Variants in ABCA2 observed in about 807,000 individuals in gnomAD.
ABCA2 encodes ATP-binding cassette sub-family A member 2.
A neutral mutation model predicts 262.8 loss-of-function variants in ABCA2; 84 were observed. The observed-to-expected ratio is 0.32, with a 90% confidence interval of 0.27 to 0.38. ABCA2 has a LOEUF of 0.38. Ranked by LOEUF, ABCA2 falls within the 10% of genes least tolerant of loss-of-function variation. The probability of loss-of-function intolerance (pLI) is 1.00; values close to 1 mark genes in which losing one functional copy is unlikely to be tolerated. For missense variants in ABCA2, 2,662 were observed against 3,405.9 expected (o/e 0.78, Z 5.44); for synonymous variants, 1,696 against 1,502.9 (o/e 1.13, Z -2.97).
Position 137,022,716 on chromosome 9 carries a change from A to C in ABCA2, c.425T>G (p.Leu142Arg), listed in dbSNP as rs1391150674. The C allele has an allele frequency of 6.2e-7, 1 of 1,606,112 alleles. No individual in the cohort carries two copies. Among genetic ancestry groups the C allele is most frequent in the Admixed American group, 1.7e-5 (1 of 59,684 alleles). The change falls in exon 5 of 49, where the codon CTG becomes CGG. Residue 142 changes from leucine (L) to arginine (R), a missense_variant. Around this residue, in one of 12 missense-constraint regions of ABCA2, gnomAD observed 403 missense variants for 375.9 expected, o/e 1.07. Transcript: ENST00000341511. ...ACAGGGCACACCTGTGGATCTGTCCAGGTGGCTCCCCGAGGTGCCCGGGCC... is the reference window on the plus strand; with the variant it reads ...ACAGGGCACACCTGTGGATCTGTCCCGGTGGCTCCCCGAGGTGCCCGGGCC... ...SAGPGTSGSH[L>R]DRSTVSSFSL...
rs1401459879 is a variant in ABCA2, at chr9:137,020,427, C to CGCT, written c.1331_1333dup (p.Gln444dup). The CGCT allele has an allele frequency of 6.2e-7, 1 of 1,612,418 alleles. No individual in the cohort carries two copies. The highest frequency in any genetic ancestry group is 8.5e-7 in the Non-Finnish European group (1 of 1,179,816). On this transcript the variant is annotated inframe_insertion, in exon 10 of 49. Transcript: ENST00000341511. ...GAGGTGCACGAGGAGGCCCAGGTTC[C>CGCT]GCTGCTCCTTGCTCGTGAAGCCCAG...
Position 137,017,583 on chromosome 9 carries a change from T to C in ABCA2, c.2321A>G (p.Tyr774Cys), listed in dbSNP as rs1422092131. 6.2e-7 allele frequency: 1 copy of C among 1,612,602 alleles called. No homozygotes were observed. The highest frequency in any genetic ancestry group is 8.5e-7 in the Non-Finnish European group (1 of 1,179,918). ...SVTALTAILK[Y>C]GQVLMHSHVV... is the part of the protein sequence containing the mutation. ...GTGGCTGTGCATAAGCACCTGGCCG[T>C]ACTTCAGGATGGCGGTGAGTGCTGT... Residue 774 changes from tyrosine (Y) to cysteine (C), a missense_variant, in exon 17 of 49, where the codon TAC (tyrosine) becomes TGC (cysteine). Tyr to Cys is a radical substitution (Grantham distance 194). Around this residue, in one of 12 missense-constraint regions of ABCA2, gnomAD observed 188 missense variants for 343.4 expected, o/e 0.55. Coordinates refer to ENST00000341511, the MANE Select transcript of ABCA2 (RefSeq NM_001606.5).
At position 137,021,308 on chromosome 9, in the gene ABCA2, C is replaced by A; in HGVS notation, c.897+84G>T. The A allele has an allele frequency of 6.6e-7, 1 of 1,515,276 alleles. No homozygotes were observed. The highest frequency in any genetic ancestry group is 1.2e-5 in the South Asian group (1 of 82,906). 93.9% of individuals were successfully genotyped at this position (1,515,276 alleles called of 1,614,324 possible). A position where few individuals can be genotyped will look rare whatever the true frequency, so the allele number is the denominator to read the frequency against. ...CCCACGCACAGCCTGGGCCCAGGAG[C>A]CCTGAGCTCTCCAAGCGGTCCCAGC... On this transcript the variant is annotated intron_variant, in intron 8 of 48. Coordinates refer to ENST00000341511, the MANE Select transcript of ABCA2 (RefSeq NM_001606.5). The surrounding 1 kb of genome is among the most constrained non-coding windows in gnomAD (Gnocchi z 6.0).
chr9:137,008,675 G>A, intron 47 of ABCA2, 53 bp from the exon 48 acceptor site: 1 of 1,336,656 alleles, frequency 7.5e-7, no homozygotes. Flanking sequence ...GTGAGGAGGG[G>A]CAGGGCGGGT....
chr9:137,014,037 C>A lies in ABCA2; in HGVS notation c.4242G>T (p.Glu1414Asp), dbSNP rs753602662. 1 of 1,610,422 alleles carries A rather than the reference C, an allele frequency of 6.2e-7. No individual in the cohort carries two copies. The highest frequency in any genetic ancestry group is 1.3e-5 in the African/African-American group (1 of 74,924). ...CCCTCGACAGGGCCTCTGCCTCCACCTCTGTGCAGAGAGGTAGAGGCTGAG... is the reference window on the plus strand; with the variant it reads ...CCCTCGACAGGGCCTCTGCCTCCACATCTGTGCAGAGAGGTAGAGGCTGAG... Reference protein sequence around the residue: ...PQDPDNVSLQEVEAEALSRVG... With the variant: ...PQDPDNVSLQDVEAEALSRVG... Residue 1414 changes from glutamate to aspartate, a missense_variant and splice_region_variant, in exon 28 of 49, where the codon GAG (glutamate) becomes GAT (aspartate). This residue lies in a region of ABCA2 where 297 missense variants were observed against 286.5 expected (regional missense o/e 1.04). Transcript: ENST00000341511.
At position 137,012,797 on chromosome 9, in the gene ABCA2, C is replaced by T; in HGVS notation, c.4996G>A (p.Val1666Ile). Residue 1666 changes from valine to isoleucine, a missense_variant, in exon 31 of 49, where the codon GTC becomes ATC. By Grantham distance (29) the Val-to-Ile change is conservative (BLOSUM62 3). This residue lies in a region of ABCA2 where 602 missense variants were observed against 897.4 expected (regional missense o/e 0.67). Transcript: ENST00000341511. ...ATGTCGGTCAGGATGTCGCCTGTGA[C>T]CACCCGCATCTGGGGCGGGTGCCCG... ...VGGHPPQMRV[V>I]TGDILTDITG... 6.2e-7 allele frequency: 1 copy of T among 1,612,418 alleles called. No individual in the cohort carries two copies. The highest frequency in any genetic ancestry group is 8.5e-7 in the Non-Finnish European group (1 of 1,179,838).
chr9:137,017,005 G>C lies in ABCA2; in HGVS notation c.2673C>G (p.Phe891Leu). Reference sequence around the variant, plus strand: ...GCATGGTGACAGCCAGGAGCAAGTTGAAGTCGTCCCCCTCCACCGGGGACT... The same window carrying C: ...GCATGGTGACAGCCAGGAGCAAGTTCAAGTCGTCCCCCTCCACCGGGGACT... ...FSQSPVEGDD[F>L]NLLLAVTMLM... Residue 891 changes from phenylalanine (F) to leucine (L), a missense_variant, in exon 19 of 49, where the codon TTC becomes TTG. Coordinates refer to ENST00000341511, the MANE Select transcript of ABCA2 (RefSeq NM_001606.5). 6.2e-7 allele frequency: 1 copy of C among 1,612,822 alleles called. No homozygotes were observed. The highest frequency in any genetic ancestry group is 8.5e-7 in the Non-Finnish European group (1 of 1,179,986).
rs1366833357 is a variant in ABCA2, at chr9:137,010,389, C to G, written c.6175-18G>C. 1.3e-6 allele frequency: 2 copies of G among 1,556,542 alleles called. No individual in the cohort carries two copies. The highest frequency in any genetic ancestry group is 3.9e-5 in the Admixed American group (2 of 51,820). On this transcript the variant is annotated intron_variant, in intron 40 of 48. Transcript: ENST00000341511. ...TTGTAGACCTGGCCAGGAGCCTGCC[C>G]ACTCAGCGGGGCATCCTGCCCCCAC...
rs747266171 is a variant in ABCA2 at position 137,008,989 on chromosome 9, G to A, written c.6892C>T (p.Arg2298Trp). 8.8e-5 allele frequency: 140 copies of A among 1,590,966 alleles called. No individual in the cohort carries two copies. The highest frequency in any genetic ancestry group is 1.1e-4 in the Non-Finnish European group (131 of 1,173,758). The change falls in exon 46 of 49, where the codon CGG becomes TGG. Residue 2298 changes from arginine to tryptophan, a missense_variant. Physicochemically the swap from Arg to Trp is moderately radical, Grantham distance 101. Transcript: ENST00000341511. The part of the protein sequence containing the change: ...KSSQSVKDVV[R>W]FFNRNFPEAM... The stretch of plus-strand genomic sequence containing the variant: ...TCCGGGAAGTTGCGGTTGAAGAACC[G>A]CACCACGTCCTTCACACTCTGGCTG...
At chr9:137,013,637 C>A (rs1000532332) in intron 28 of ABCA2, 74 bp from the exon 29 acceptor site, 1 of 1,466,530 alleles carries the variant, frequency 6.8e-7, no homozygotes. Context: ...GGTCCCCTTC[C>A]CCCAACCCCA....
intron 44 of ABCA2, 37 bp downstream of exon 44, chr9:137,009,504 G>C: frequency 6.2e-7 from 1 of 1,612,044 alleles, no homozygotes; most frequent in Non-Finnish European, 8.5e-7. Flanking sequence ...GGGTGCTGTG[G>C]GGTGGGGGCA....
Position 137,021,240 on chromosome 9 carries a change from G to T in ABCA2, c.897+152C>A. The T allele has an allele frequency of 7.9e-7, 1 of 1,271,330 alleles. No homozygotes were observed. Among genetic ancestry groups the T allele is most frequent in the South Asian group, 1.5e-5 (1 of 67,076 alleles). The allele number at this position is 1,271,330 out of a possible 1,614,324, so 78.8% of individuals were successfully genotyped here. On this transcript the variant is annotated intron_variant, in intron 8 of 48. Coordinates refer to ENST00000341511, the MANE Select transcript of ABCA2 (RefSeq NM_001606.5). This position sits in a 1 kb window ranked among gnomAD's most constrained non-coding sequence, Gnocchi z 6.0. ...AGCTGGGATGGTGAGCAGGAGTGGGGCACCAGCCATGGTGCCATTGGATAC... is the reference window on the plus strand; with the variant it reads ...AGCTGGGATGGTGAGCAGGAGTGGGTCACCAGCCATGGTGCCATTGGATAC...
Position 137,021,159 on chromosome 9 carries a change from A to G in ABCA2, c.898-98T>C. ...CAGGGAGACAGCAGCAGGGAGACACAAGCTAGGGGTGCTGGGAGGGAGTCT... is the reference window on the plus strand; with the variant it reads ...CAGGGAGACAGCAGCAGGGAGACACGAGCTAGGGGTGCTGGGAGGGAGTCT... On this transcript the variant is annotated intron_variant, in intron 8 of 48. Transcript: ENST00000341511. The surrounding 1 kb of genome is among the most constrained non-coding windows in gnomAD (Gnocchi z 6.0). The G allele has an allele frequency of 1.4e-6, 2 of 1,420,938 alleles. No homozygotes were observed. The highest frequency in any genetic ancestry group is 2.9e-5 in the African/African-American group (2 of 69,466). The allele number at this position is 1,420,938 out of a possible 1,614,324, so 88.0% of individuals were successfully genotyped here.
At chr9:137,024,055 A>G (rs1831569310) in intron 2 of ABCA2, 88 bp downstream of exon 2, 1 of 1,518,236 alleles carries the variant, frequency 6.6e-7, no homozygotes, top group African/African-American at 1.4e-5. Context: ...CGGGAGCAGG[A>G]CACCCGTGTG....
chr9:137,028,694 C>T (rs1247416411), upstream of ABCA2: 3 of 1,223,864 alleles, frequency 2.5e-6, no homozygotes, highest in Non-Finnish European at 1.0e-6. This position sits in a 1 kb window ranked among gnomAD's most constrained non-coding sequence, Gnocchi z 6.9. Context: ...TAAACCAGCA[C>T]TTGGAGTCCA....
chr9:137,012,517 C>T lies in ABCA2; in HGVS notation c.5155G>A (p.Val1719Met). 6.2e-7 allele frequency: 1 copy of T among 1,611,964 alleles called. No individual in the cohort carries two copies. The highest frequency in any genetic ancestry group is 8.5e-7 in the Non-Finnish European group (1 of 1,179,872). Residue 1719 changes from valine (V) to methionine (M), a missense_variant, in exon 32 of 49, where the codon GTG becomes ATG. Around this residue, in one of 12 missense-constraint regions of ABCA2, gnomAD observed 602 missense variants for 897.4 expected, o/e 0.67. Coordinates refer to ENST00000341511, the MANE Select transcript of ABCA2 (RefSeq NM_001606.5). The stretch of plus-strand genomic sequence containing the variant: ...GCCCTGCGCACCGCGATCTTCCGCA[C>T]CATGGGTGGGGCCCTGGTGCCAAAT... ...ASFGTRAPPM[V>M]RKIAVRRAAQ...
chr9:137,019,803 G>T lies in ABCA2; in HGVS notation c.1426-497C>A, dbSNP rs1010575044. On this transcript the variant is annotated intron_variant, in intron 10 of 48. Transcript: ENST00000341511. The surrounding 1 kb of genome is among the most constrained non-coding windows in gnomAD (Gnocchi z 4.4). ...CAGCACGGCCTCCGGACCCCCAACT[G>T]CCCAGCTGTGCCCACCAGCTCCTTT... The T allele has an allele frequency of 1.0e-5, 2 of 191,756 alleles. No homozygotes were observed. The highest frequency in any genetic ancestry group is 2.2e-5 in the Non-Finnish European group (2 of 91,558). 11.9% of individuals were successfully genotyped at this position (191,756 alleles called of 1,614,324 possible). A position where few individuals can be genotyped will look rare whatever the true frequency, so the allele number is the denominator to read the frequency against.
intron 1 of ABCA2, among the ~76,000 whole-genome samples, chr9:137,026,027 T>C (rs1831641019): frequency 6.6e-6 from 1 of 152,114 alleles, no homozygotes; most frequent in Non-Finnish European, 1.5e-5. Flanking sequence ...CCCCTCCCTG[T>C]AGCTCCCGCC....
intron 10 of ABCA2, chr9:137,020,119 C>T: frequency 1.6e-6 from 1 of 620,058 alleles, no homozygotes. Flanking sequence ...CCTGCCAGAG[C>T]AGACTCTCCA....
Sources: allele counts gnomAD v4.1 joint callset (sites outside exome capture counted in the v4.1 genomes callset), GRCh38; gene constraint gnomAD v4.1.1; regional missense constraint gnomAD v4.1.1; non-coding constraint Gnocchi (gnomAD v3.1); transcripts MANE v1.5; gene names NCBI Gene and HGNC (gene_info 2026-07-23, HGNC 2026-07-21).